Variants in URM1 observed in about 807,000 individuals in gnomAD.
URM1 encodes ubiquitin-related modifier 1.
A neutral mutation model predicts 17.7 loss-of-function variants in URM1; 11 were observed. The observed-to-expected ratio is 0.62, with a 90% confidence interval of 0.39 to 1.03. The LOEUF is 1.03. URM1 is among the 50% of genes least tolerant of loss of function. The pLI is 0.00. For missense variants in URM1, 128 were observed against 129.2 expected (o/e 0.99, Z 0.04); for synonymous variants, 48 against 50.6 (o/e 0.95, Z 0.22).
Position 128,381,017 on chromosome 9 carries a change from G to C in URM1, c.106+2911G>C, listed in dbSNP as rs1194338231. On this transcript the variant is annotated intron_variant, in intron 2 of 4. Transcript: ENST00000372853. Reference sequence around the variant, plus strand: ...TTTTTTGTATTTTTAGAAGAGACGGGGTTTCACCATGTTAGCCAGGATGGT... The same window carrying C: ...TTTTTTGTATTTTTAGAAGAGACGGCGTTTCACCATGTTAGCCAGGATGGT... 2.6e-5 allele frequency among the ~76,000 whole-genome samples: 4 copies of C among 152,022 alleles called. No homozygotes were observed. In the East Asian group the frequency reaches 7.7e-4, roughly 29 times the overall value.
chr9:128,381,076 G>A (rs1233026281), intron 2 of URM1, among the ~76,000 whole-genome samples: 4 of 151,786 alleles, frequency 2.6e-5, no homozygotes, highest in South Asian at 2.1e-4. Flanking sequence ...CGCCCGCCTC[G>A]GCCTCCCAAA....
In URM1 at chr9:128,388,616, A is replaced by C. The variant is rs1358225378; in HGVS notation, c.189-645A>C. 7 of 986,270 alleles carry C rather than the reference A, an allele frequency of 7.1e-6. No homozygotes were observed. The East Asian group carries it at 5.7e-4, about 80-fold the overall frequency. 61.1% of individuals were successfully genotyped at this position (986,270 alleles called of 1,614,324 possible). On this transcript the variant is annotated intron_variant, in intron 3 of 4. Transcript: ENST00000372853. ...TCAGGTCATGGTCCAGTGGTCCTGG[A>C]GGCCACCTCTAAGGCCAGCAGTGCT...
Position 128,387,662 on chromosome 9 carries a change from C to T in URM1, c.107-154C>T, listed in dbSNP as rs1833245514. On this transcript the variant is annotated intron_variant, in intron 2 of 4. Transcript: ENST00000372853. This position sits in a 1 kb window ranked among gnomAD's most constrained non-coding sequence, Gnocchi z 4.3. ...GGCCTGTCCTAACCTGTTTCCTCAC[C>T]TTTGGAATCTACAAGTTCATGGGCT... Among the ~76,000 whole-genome samples, 1 of 152,196 alleles carries T rather than the reference C, an allele frequency of 6.6e-6. No homozygotes were observed. The highest frequency in any genetic ancestry group is 2.4e-5 in the African/African-American group (1 of 41,450).
chr9:128,387,330 C>T lies in URM1; in HGVS notation c.107-486C>T, dbSNP rs1833241147. On this transcript the variant is annotated intron_variant, in intron 2 of 4. Coordinates refer to ENST00000372853, the MANE Select transcript of URM1 (RefSeq NM_030914.4). This position sits in a 1 kb window ranked among gnomAD's most constrained non-coding sequence, Gnocchi z 4.3. ...TTATCAGCTCAGCAATTGTTTTTTT[C>T]CCCTCACAAAGGGAAATATATGCAG... Among the ~76,000 whole-genome samples the T allele has an allele frequency of 6.6e-6, 1 of 152,148 alleles. No homozygotes were observed. Among genetic ancestry groups the T allele is most frequent in the African/African-American group, 2.4e-5 (1 of 41,452 alleles).
intron 2 of URM1, among the ~76,000 whole-genome samples, chr9:128,382,457 T>A (rs1224323987): frequency 6.6e-6 from 1 of 151,588 alleles, no homozygotes; most frequent in Non-Finnish European, 1.5e-5. Context: ...GTCTTGGAGG[T>A]TCCAGCAGAA....
At chr9:128,378,542 CAAAAAAA>C (rs58676800) in intron 2 of URM1, among the ~76,000 whole-genome samples, 10 of 22,990 alleles carry the variant, frequency 4.3e-4, no homozygotes, top group Non-Finnish European at 7.3e-4. Flanking sequence ...GACTCCATCT[CAAAAAAA>C]AAAAAAAAAA....
intron 2 of URM1, among the ~76,000 whole-genome samples, chr9:128,379,458 A>G (rs1833128429): frequency 6.6e-6 from 1 of 152,096 alleles, no homozygotes; most frequent in Admixed American, 6.5e-5. Context: ...CAGCCTGGGC[A>G]ACAAGAGCAA....
chr9:128,389,588 C>G, intron 4 of URM1, 78 bp from the exon 5 acceptor site: 1 of 1,598,072 alleles, frequency 6.3e-7, no homozygotes, highest in East Asian at 2.3e-5. Context: ...CAGTCCTCAG[C>G]CCCTGTTCTC....
chr9:128,388,110 T>C lies in URM1; in HGVS notation c.188+213T>C, dbSNP rs578065864. On this transcript the variant is annotated intron_variant, in intron 3 of 4. Coordinates refer to ENST00000372853, the MANE Select transcript of URM1 (RefSeq NM_030914.4). ...TCCCAGATGAAAGGAGCCTGGTGAA[T>C]TTCTCAGAAAACTTGGATTCTGCCC... The C allele has an allele frequency of 4.5e-6, 6 of 1,333,768 alleles. No individual in the cohort carries two copies. In the African/African-American group the frequency reaches 8.8e-5, roughly 20 times the overall value. The allele number at this position is 1,333,768 out of a possible 1,614,324, so 82.6% of individuals were successfully genotyped here.
In URM1 at chr9:128,391,487, G is replaced by C. The variant is rs1833314361; in HGVS notation, c.*1753G>C. On this transcript the variant is annotated 3_prime_UTR_variant, in exon 5 of 5. Coordinates refer to ENST00000372853, the MANE Select transcript of URM1 (RefSeq NM_030914.4). ...TGACCAACCCTCACTAGTTCCTGAGGTCAGGGTCTCCATGTTAGGGAACAG... is the reference window on the plus strand; with the variant it reads ...TGACCAACCCTCACTAGTTCCTGAGCTCAGGGTCTCCATGTTAGGGAACAG... 6.6e-6 allele frequency: 1 copy of C among 152,228 alleles called. No homozygotes were observed. Among genetic ancestry groups the C allele is most frequent in the Non-Finnish European group, 1.5e-5 (1 of 68,080 alleles). The allele number at this position is 152,228 out of a possible 1,614,324, so 9.4% of individuals were successfully genotyped here.
chr9:128,391,568 C>T lies in URM1; in HGVS notation c.*1834C>T, dbSNP rs1032837513. On this transcript the variant is annotated 3_prime_UTR_variant, in exon 5 of 5. Transcript: ENST00000372853. Reference sequence around the variant, plus strand: ...TGCACTTCTAGAAGGTCAGCCTGTCCGATTCTTGTAACCTGGAGGTCCCTC... The same window carrying T: ...TGCACTTCTAGAAGGTCAGCCTGTCTGATTCTTGTAACCTGGAGGTCCCTC... 2.0e-5 allele frequency: 3 copies of T among 152,234 alleles called. No homozygotes were observed. Among genetic ancestry groups the T allele is most frequent in the South Asian group, 2.1e-4 (1 of 4,830 alleles). 9.4% of individuals were successfully genotyped at this position (152,234 alleles called of 1,614,324 possible).
chr9:128,384,685 T>C (rs547876003), intron 2 of URM1, among the ~76,000 whole-genome samples: 42 of 152,116 alleles, frequency 2.8e-4, no homozygotes, highest in Non-Finnish European at 5.4e-4. Flanking sequence ...AATTACAGCA[T>C]TGATATGCAG....
At position 128,390,448 on chromosome 9, in the gene URM1, G is replaced by T. The variant is rs890640426; in HGVS notation, c.*714G>T. On this transcript the variant is annotated 3_prime_UTR_variant, in exon 5 of 5. Transcript: ENST00000372853. ...ATTCTGCTGGGGGTAGAGATGAGGGGAGGGAGTAAGTTAAACCTTGGACTA... is the reference window on the plus strand; with the variant it reads ...ATTCTGCTGGGGGTAGAGATGAGGGTAGGGAGTAAGTTAAACCTTGGACTA... 2 of 152,370 alleles carry T rather than the reference G, an allele frequency of 1.3e-5. No individual in the cohort carries two copies. Among genetic ancestry groups the T allele is most frequent in the African/African-American group, 4.8e-5 (2 of 41,456 alleles). The allele number at this position is 152,370 out of a possible 1,614,324, so 9.4% of individuals were successfully genotyped here.
chr9:128,387,787 AAG>A lies in URM1; in HGVS notation c.107-26_107-25del, dbSNP rs757711660. 1.4e-4 allele frequency: 223 copies of A among 1,613,750 alleles called. No individual in the cohort carries two copies. The African/African-American group carries it at 2.7e-3, about 19-fold the overall frequency. On this transcript the variant is annotated intron_variant, in intron 2 of 4. Coordinates refer to ENST00000372853, the MANE Select transcript of URM1 (RefSeq NM_030914.4). The surrounding 1 kb of genome is among the most constrained non-coding windows in gnomAD (Gnocchi z 4.3). ...TGGGCAGGTGCTATTTGGGTTTGACAAGAGTTTGTTCTGTGCATTCCTTTCCA... is the reference window on the plus strand; with the variant it reads ...TGGGCAGGTGCTATTTGGGTTTGACAAGTTTGTTCTGTGCATTCCTTTCCA...
rs1353280723 is a variant in URM1 at position 128,388,726 on chromosome 9, G to A, written c.189-535G>A. 13 of 986,838 alleles carry A rather than the reference G, an allele frequency of 1.3e-5. No individual in the cohort carries two copies. The East Asian group carries it at 1.2e-3, about 95-fold the overall frequency. The allele number at this position is 986,838 out of a possible 1,614,324, so 61.1% of individuals were successfully genotyped here. ...TGCCTTATGCCAGGCAGGACTGCAC[G>A]TGAGCATTGCCATGTGGCATGGCAA... On this transcript the variant is annotated intron_variant, in intron 3 of 4. Coordinates refer to ENST00000372853, the MANE Select transcript of URM1 (RefSeq NM_030914.4).
At position 128,387,866 on chromosome 9, in the gene URM1, C is replaced by T. The variant is rs756580246; in HGVS notation, c.157C>T (p.Arg53Trp). 7.4e-6 allele frequency: 12 copies of T among 1,614,052 alleles called. No homozygotes were observed. The highest frequency in any genetic ancestry group is 2.2e-5 in the East Asian group (1 of 44,880). ...IWIKKNLLKE[R>W]PELFIQGDSV... ...GATCAAGAAGAATTTGCTAAAAGAG[C>T]GGCCAGAGTTGTTCATCCAGGGAGA... Residue 53 changes from arginine to tryptophan, a missense_variant, in exon 3 of 5, where the codon CGG becomes TGG. Coordinates refer to ENST00000372853, the MANE Select transcript of URM1 (RefSeq NM_030914.4). This position sits in a 1 kb window ranked among gnomAD's most constrained non-coding sequence, Gnocchi z 4.3.
In URM1 at chr9:128,387,867, G is replaced by A. The variant is rs369075836; in HGVS notation, c.158G>A (p.Arg53Gln). The change falls in exon 3 of 5, where the codon CGG becomes CAG. Residue 53 changes from arginine to glutamine, a missense_variant. Physicochemically the swap from Arg to Gln is conservative, Grantham distance 43 (BLOSUM62 1). Transcript: ENST00000372853. This position sits in a 1 kb window ranked among gnomAD's most constrained non-coding sequence, Gnocchi z 4.3. Reference sequence around the variant, plus strand: ...ATCAAGAAGAATTTGCTAAAAGAGCGGCCAGAGTTGTTCATCCAGGGAGAC... The same window carrying A: ...ATCAAGAAGAATTTGCTAAAAGAGCAGCCAGAGTTGTTCATCCAGGGAGAC... ...IWIKKNLLKERPELFIQGDSV... is the reference protein window; with the variant it reads ...IWIKKNLLKEQPELFIQGDSV... The A allele has an allele frequency of 1.9e-4, 312 of 1,613,952 alleles. No individual in the cohort carries two copies. Among genetic ancestry groups the A allele is most frequent in the Middle Eastern group, 4.9e-4 (3 of 6,084 alleles).
chr9:128,375,171 G>A (rs552021951), intron 1 of URM1, among the ~76,000 whole-genome samples: 3 of 152,358 alleles, frequency 2.0e-5, no homozygotes, highest in South Asian at 2.1e-4. Context: ...CCCTGAGGAT[G>A]AAATGAGATG....
In URM1 at chr9:128,390,016, GCT is replaced by G; in HGVS notation, c.*285_*286del. The G allele has an allele frequency of 2.0e-6, 1 of 506,682 alleles. No homozygotes were observed. The highest frequency in any genetic ancestry group is 1.9e-5 in the African/African-American group (1 of 51,340). The allele number at this position is 506,682 out of a possible 1,614,324, so 31.4% of individuals were successfully genotyped here. ...TCCAGTTTGTCAAGAGTTGAAGGAGGCTCTGTGGCCAGGTGACCTGGCTGCCT... is the reference window on the plus strand; with the variant it reads ...TCCAGTTTGTCAAGAGTTGAAGGAGGCTGTGGCCAGGTGACCTGGCTGCCT... On this transcript the variant is annotated 3_prime_UTR_variant, in exon 5 of 5. Transcript: ENST00000372853.
Sources: allele counts gnomAD v4.1 joint callset (sites outside exome capture counted in the v4.1 genomes callset), GRCh38; gene constraint gnomAD v4.1.1; non-coding constraint Gnocchi (gnomAD v3.1); transcripts MANE v1.5; gene names NCBI Gene and HGNC (gene_info 2026-07-23, HGNC 2026-07-21).